The following LNX2 variants were observed in gnomAD, a reference collection of about 807,000 sequenced individuals.
The protein encoded by LNX2 is ligand of numb-protein X 2.
LNX2 carries 35 observed loss-of-function variants against 66.2 expected under a neutral mutation model. The ratio of observed to expected loss-of-function variants is 0.53; its 90% CI spans 0.40 to 0.70. The LOEUF (loss-of-function observed/expected upper bound fraction) is 0.70, where lower values mean the gene tolerates loss of function less well. Ranked by LOEUF, LNX2 falls within the 30% of genes least tolerant of loss-of-function variation. The probability of loss-of-function intolerance (pLI) is 0.00; values close to 1 mark genes in which losing one functional copy is unlikely to be tolerated. For synonymous variants in LNX2, 337 were observed against 315.6 expected (o/e 1.07, Z -0.72); for missense variants, 791 against 850.8 (o/e 0.93, Z 0.87).
intron 1 of LNX2, among the ~76,000 whole-genome samples, chr13:27,616,886 G>C (rs1012288125): frequency 2.6e-5 from 4 of 152,138 alleles, no homozygotes; most frequent in Non-Finnish European, 5.9e-5. Flanking sequence ...GAGTAGCTGG[G>C]ATTACAGGCA....
At chr13:27,614,436 A>C (rs2138488095) in intron 1 of LNX2, among the ~76,000 whole-genome samples, 2 of 142,938 alleles carry the variant, frequency 1.4e-5, no homozygotes, top group African/African-American at 2.6e-5. Flanking sequence ...CCACACCCCC[A>C]TGATTGTGCC....
At chr13:27,603,478 G>T (rs1955680126) in intron 1 of LNX2, among the ~76,000 whole-genome samples, 1 of 152,088 alleles carries the variant, frequency 6.6e-6, no homozygotes, top group Non-Finnish European at 1.5e-5. Flanking sequence ...ATCACTCTTG[G>T]ATATATTATG....
chr13:27,563,805 C>T (rs1344820946), intron 4 of LNX2, among the ~76,000 whole-genome samples: 2 of 152,146 alleles, frequency 1.3e-5, no homozygotes, highest in Non-Finnish European at 2.9e-5. Flanking sequence ...GTTGTAAATA[C>T]TATTTTGAAT....
intron 2 of LNX2, among the ~76,000 whole-genome samples, chr13:27,570,259 C>G (rs377114308): frequency 6.6e-6 from 1 of 152,144 alleles, no homozygotes; most frequent in Non-Finnish European, 1.5e-5. Flanking sequence ...GCTACAGTAA[C>G]GCTTGGTAGG....
At chr13:27,606,635 G>A (rs904805856) in intron 1 of LNX2, among the ~76,000 whole-genome samples, 3 of 152,118 alleles carry the variant, frequency 2.0e-5, no homozygotes, top group African/African-American at 7.2e-5. Context: ...ACAGACACAT[G>A]AGTTTATACA....
intron 1 of LNX2, among the ~76,000 whole-genome samples, chr13:27,604,919 G>C (rs1955698160): frequency 6.7e-6 from 1 of 149,140 alleles, no homozygotes; most frequent in African/African-American, 2.5e-5. Context: ...GGGAAAAACA[G>C]ACCTTTTCTG....
chr13:27,593,757 CTTT>C (rs1165023707), intron 1 of LNX2, among the ~76,000 whole-genome samples: 61 of 118,086 alleles, frequency 5.2e-4, no homozygotes, highest in Non-Finnish European at 9.2e-4. Context: ...TGTGTGTGTT[CTTT>C]TTTTTTTTTT....
chr13:27,564,181 T>C (rs1162041079), intron 4 of LNX2, among the ~76,000 whole-genome samples: 2 of 152,214 alleles, frequency 1.3e-5, no homozygotes, highest in Admixed American at 1.3e-4. Flanking sequence ...TGTGTAAACA[T>C]GCAGCCTCAT....
chr13:27,613,385 G>C (rs576166322), intron 1 of LNX2, among the ~76,000 whole-genome samples: 2 of 152,112 alleles, frequency 1.3e-5, no homozygotes, highest in Non-Finnish European at 2.9e-5. Flanking sequence ...GATAGGAGAA[G>C]AGACGGAGGT....
chr13:27,583,204 G>GTCCTCTCCAATATAAC (rs1955425105), intron 1 of LNX2, among the ~76,000 whole-genome samples: 3 of 16,552 alleles, frequency 1.8e-4, no homozygotes, highest in African/African-American at 6.7e-4. Flanking sequence ...GTGTGTGTGT[G>GTCCTCTCCAATATAAC]TGTGTGTGTG....
At chr13:27,553,110 T>A in intron 8 of LNX2, 98 bp downstream of exon 8, 1 of 1,007,980 alleles carries the variant, frequency 9.9e-7, no homozygotes, top group Non-Finnish European at 1.5e-6. Flanking sequence ...TTAAAGCTTT[T>A]TTTTTTATCC....
chr13:27,569,358 C>A lies in LNX2; in HGVS notation c.408-82G>T, dbSNP rs1035889766. ...AAATAGGGAGGGGGACTAATAGCTT[C>A]TACACAAACAGAACCAGAAGCTAGA... On this transcript the variant is annotated intron_variant, in intron 2 of 9. Coordinates refer to ENST00000316334, the MANE Select transcript of LNX2 (RefSeq NM_153371.4). 5 of 1,452,706 alleles carry A rather than the reference C, an allele frequency of 3.4e-6. No individual in the cohort carries two copies. In the Admixed American group the frequency reaches 8.2e-5, roughly 24 times the overall value. 90.0% of individuals were successfully genotyped at this position (1,452,706 alleles called of 1,614,324 possible). A position where few individuals can be genotyped will look rare whatever the true frequency, so the allele number is the denominator to read the frequency against.
intron 8 of LNX2, among the ~76,000 whole-genome samples, chr13:27,551,270 C>T (rs915796970): frequency 1.3e-5 from 2 of 151,608 alleles, no homozygotes; most frequent in Admixed American, 6.6e-5. Flanking sequence ...GAGCAAGACC[C>T]CATCTTTAAA....
intron 2 of LNX2, among the ~76,000 whole-genome samples, chr13:27,578,237 G>C (rs1955361305): frequency 6.6e-6 from 1 of 152,102 alleles, no homozygotes; most frequent in Non-Finnish European, 1.5e-5. Context: ...CAATAATTAA[G>C]AGATTCCTGT....
At chr13:27,583,255 T>TGTGCGCGCGCGCGCGC (rs1555268514) in intron 1 of LNX2, among the ~76,000 whole-genome samples, 4 of 58,526 alleles carry the variant, frequency 6.8e-5, no homozygotes, top group Non-Finnish European at 1.3e-4. Context: ...TGTGTGTGTG[T>TGTGCGCGCGCGCGCGC]GCGCGCGTCC....
chr13:27,598,843 A>C (rs999734987), intron 1 of LNX2, among the ~76,000 whole-genome samples: 3 of 152,140 alleles, frequency 2.0e-5, no homozygotes, highest in Non-Finnish European at 4.4e-5. Flanking sequence ...ACATATACAC[A>C]TATATGTTTA....
chr13:27,605,672 A>G (rs1232070545), intron 1 of LNX2, among the ~76,000 whole-genome samples: 2 of 152,186 alleles, frequency 1.3e-5, no homozygotes, highest in Non-Finnish European at 2.9e-5. Context: ...CAGTCCTTAA[A>G]TGAAAAATAT....
chr13:27,553,557 A>G (rs771067458), intron 7 of LNX2, 118 bp from the exon 8 acceptor site: 8 of 635,526 alleles, frequency 1.3e-5, no homozygotes, highest in Non-Finnish European at 2.2e-5. Context: ...GAGATAAGGT[A>G]TAATAATAAA....
intron 4 of LNX2, among the ~76,000 whole-genome samples, chr13:27,563,981 G>GT (rs1270453225): frequency 2.6e-5 from 4 of 152,160 alleles, no homozygotes; most frequent in African/African-American, 9.7e-5. Flanking sequence ...TGGAACTTCT[G>GT]AAGTTCTATT....
Sources: gnomAD v4.1 joint callset for allele counts (sites outside exome capture counted in the v4.1 genomes callset) on GRCh38, gnomAD v4.1.1 for gene constraint, MANE v1.5 for transcripts, NCBI Gene and HGNC (gene_info 2026-07-23, HGNC 2026-07-21) for gene names.